Variants in RUSC1 observed in about 807,000 individuals in gnomAD.
RUSC1 encodes the protein AP-4 complex accessory subunit RUSC1.
Under a neutral mutation model 72.1 loss-of-function variants are expected in RUSC1, and 40 were observed. That is an observed-to-expected ratio of 0.55 (90% confidence interval 0.43 to 0.72). The LOEUF (loss-of-function observed/expected upper bound fraction) is 0.72. Ranked by LOEUF, RUSC1 falls within the 30% of genes least tolerant of loss-of-function variation. RUSC1 has a pLI of 0.00. For missense variants in RUSC1, 1,092 were observed against 1,172.3 expected (o/e 0.93, Z 1.00); for synonymous variants, 512 against 494.2 (o/e 1.04, Z -0.48).
In RUSC1 at chr1:155,324,856, T is replaced by A; in HGVS notation, c.1369T>A (p.Trp457Arg). 3 of 1,614,236 alleles carry A rather than the reference T, an allele frequency of 1.9e-6. No individual in the cohort carries two copies. ...TTCCCTTACGCCAGTCCGTAGTTCG[T>A]GGTCCTTCGCCGGTGTCCCCGGAGC... ...AQAGLEVRSS[W>R]SFAGVPGAQR... The change falls in exon 3 of 10, where the codon TGG (tryptophan) becomes AGG (arginine). Residue 457 changes from tryptophan (W) to arginine (R), a missense_variant. By Grantham distance (101) the Trp-to-Arg change is moderately radical (BLOSUM62 -3). Transcript: ENST00000368352.
intron 9 of RUSC1, among the ~76,000 whole-genome samples, chr1:155,328,651 G>A (rs1445996770): frequency 6.6e-6 from 1 of 151,790 alleles, no homozygotes; most frequent in Non-Finnish European, 1.5e-5. Flanking sequence ...CCAAGCTGAA[G>A]TACAGTGGCA....
intron 9 of RUSC1, among the ~76,000 whole-genome samples, chr1:155,330,099 C>A (rs1160587069): frequency 1.3e-5 from 2 of 151,982 alleles, no homozygotes; most frequent in Non-Finnish European, 1.5e-5. Context: ...CTGTTTACCA[C>A]TATAGGCGAC....
Position 155,325,300 on chromosome 1 carries a change from A to G in RUSC1, c.1534-16A>G, listed in dbSNP as rs1458029422. ...TGGAGGGATCTCTGGAGCCATCGGCATCGCGCCACCTCCAGGCCCAGTTGG... is the reference window on the plus strand; with the variant it reads ...TGGAGGGATCTCTGGAGCCATCGGCGTCGCGCCACCTCCAGGCCCAGTTGG... On this transcript the variant is annotated splice_polypyrimidine_tract_variant and intron_variant, in intron 4 of 9. Coordinates refer to ENST00000368352, the MANE Select transcript of RUSC1 (RefSeq NM_001105203.2). The surrounding 1 kb of genome is among the most constrained non-coding windows in gnomAD (Gnocchi z 6.5). 1 of 1,604,302 alleles carries G rather than the reference A, an allele frequency of 6.2e-7. No homozygotes were observed. The highest frequency in any genetic ancestry group is 1.1e-5 in the South Asian group (1 of 90,928).
At position 155,325,971 on chromosome 1, in the gene RUSC1, TTC is replaced by T; in HGVS notation, c.1861+66_1861+67del. Reference sequence around the variant, plus strand: ...GGCTGGGAGGATGGGAAGGAAAGAGTTCTCTCCTGCTGGTTCCCACTGCTGCC... The same window carrying T: ...GGCTGGGAGGATGGGAAGGAAAGAGTTCTCCTGCTGGTTCCCACTGCTGCC... On this transcript the variant is annotated intron_variant, in intron 7 of 9. Transcript: ENST00000368352. The surrounding 1 kb of genome is among the most constrained non-coding windows in gnomAD (Gnocchi z 6.5). 1 of 1,522,904 alleles carries T rather than the reference TTC, an allele frequency of 6.6e-7. No individual in the cohort carries two copies. Among genetic ancestry groups the T allele is most frequent in the Non-Finnish European group, 9.1e-7 (1 of 1,097,528 alleles). The allele number at this position is 1,522,904 out of a possible 1,614,324, so 94.3% of individuals were successfully genotyped here.
chr1:155,323,066 C>T lies in RUSC1; in HGVS notation c.1293C>T (p.Val431=). 2 of 1,431,638 alleles carry T rather than the reference C, an allele frequency of 1.4e-6. No individual in the cohort carries two copies. 88.7% of individuals were successfully genotyped at this position (1,431,638 alleles called of 1,614,324 possible). A position where few individuals can be genotyped will look rare whatever the true frequency, so the allele number is the denominator to read the frequency against. Residue 431 remains valine (V), a synonymous_variant, in exon 2 of 10, where the codon GTC becomes GTT. Transcript: ENST00000368352. ...AEGQSEEGRA[V]SPAAGEEAPA... ...GGCAGTCCGAGGAGGGCCGGGCTGTCAGCCCAGCGGCTGGCGAGGAGGCCC... is the reference window on the plus strand; with the variant it reads ...GGCAGTCCGAGGAGGGCCGGGCTGTTAGCCCAGCGGCTGGCGAGGAGGCCC...
chr1:155,324,673 T>G (rs1651081523), intron 2 of RUSC1, 172 bp from the exon 3 acceptor site: 3 of 1,536,450 alleles, frequency 2.0e-6, no homozygotes, highest in East Asian at 2.3e-5. Flanking sequence ...GAGATTTCAC[T>G]CCGGGGCTCG....
intron 2 of RUSC1, chr1:155,324,104 T>G: frequency 8.4e-7 from 1 of 1,191,634 alleles, no homozygotes; most frequent in Non-Finnish European, 1.0e-6. Flanking sequence ...GTCTAGGGGG[T>G]CCCAGCGAGT....
chr1:155,324,852 T>C lies in RUSC1; in HGVS notation c.1365T>C (p.Ser455=). Residue 455 remains serine, a synonymous_variant, in exon 3 of 10, where the codon AGT becomes AGC. Coordinates refer to ENST00000368352, the MANE Select transcript of RUSC1 (RefSeq NM_001105203.2). ...CTTCTTCCCTTACGCCAGTCCGTAGTTCGTGGTCCTTCGCCGGTGTCCCCG... is the reference window on the plus strand; with the variant it reads ...CTTCTTCCCTTACGCCAGTCCGTAGCTCGTGGTCCTTCGCCGGTGTCCCCG... ...PGAQAGLEVR[S]SWSFAGVPGA... 6.2e-7 allele frequency: 1 copy of C among 1,614,224 alleles called. No homozygotes were observed. The highest frequency in any genetic ancestry group is 1.1e-5 in the South Asian group (1 of 91,084).
Position 155,321,301 on chromosome 1 carries a change from C to T in RUSC1, c.-87+310C>T, listed in dbSNP as rs770490220. 4 of 1,371,002 alleles carry T rather than the reference C, an allele frequency of 2.9e-6. No individual in the cohort carries two copies. In the East Asian group the frequency reaches 1.4e-4, roughly 46 times the overall value. The allele number at this position is 1,371,002 out of a possible 1,614,324, so 84.9% of individuals were successfully genotyped here. On this transcript the variant is annotated intron_variant, in intron 1 of 9. Transcript: ENST00000368352. The stretch of plus-strand genomic sequence containing the variant: ...ATTGCCCCACCCCCATCCTCCACCT[C>T]CTTTCAGGGCATCTGGGTGGGTCTC...
At chr1:155,324,179 C>T (rs1305585101) in intron 2 of RUSC1, 2 of 1,383,984 alleles carry the variant, frequency 1.4e-6, no homozygotes, top group East Asian at 2.9e-5. Context: ...CTCGGGCCTG[C>T]CCCCCGACCT....
At position 155,322,251 on chromosome 1, in the gene RUSC1, T is replaced by C; in HGVS notation, c.478T>C (p.Phe160Leu). The C allele has an allele frequency of 6.2e-7, 1 of 1,613,130 alleles. No individual in the cohort carries two copies. The highest frequency in any genetic ancestry group is 8.5e-7 in the Non-Finnish European group (1 of 1,179,296). Residue 160 changes from phenylalanine to leucine, a missense_variant, in exon 2 of 10, where the codon TTC becomes CTC. Phe to Leu is a conservative substitution (Grantham distance 22). Transcript: ENST00000368352. Reference protein sequence around the residue: ...AGPGTCSPDSFCCSPDSCSGA... With the variant: ...AGPGTCSPDSLCCSPDSCSGA... ...CCCTGGCACCTGCTCACCGGACAGCTTCTGCTGCTCTCCTGATTCCTGCTC... is the reference window on the plus strand; with the variant it reads ...CCCTGGCACCTGCTCACCGGACAGCCTCTGCTGCTCTCCTGATTCCTGCTC...
At position 155,327,097 on chromosome 1, in the gene RUSC1, C is replaced by A; in HGVS notation, c.2379C>A (p.Gly793=). The change falls in exon 8 of 10, where the codon GGC becomes GGA. Residue 793 remains glycine (G), a synonymous_variant. Transcript: ENST00000368352. ...WLGRLFGVPG[G]PAENENGALK... is the part of the protein sequence containing the mutation. ...GAAGACTATTTGGAGTGCCTGGGGG[C>A]CCCGCAGAAAATGAGAATGGAGCCC... is the stretch of plus-strand genomic sequence containing the variant. The A allele has an allele frequency of 6.2e-7, 1 of 1,607,812 alleles. No individual in the cohort carries two copies. The highest frequency in any genetic ancestry group is 8.5e-7 in the Non-Finnish European group (1 of 1,175,892).
At position 155,325,743 on chromosome 1, in the gene RUSC1, A is replaced by T. The variant is rs1651311428; in HGVS notation, c.1814+71A>T. ...AGGAGCGTCATGGGTGGGACACAGT[A>T]GTAGTGCCTCACATCCCCAGAGAAG... On this transcript the variant is annotated intron_variant, in intron 6 of 9. Coordinates refer to ENST00000368352, the MANE Select transcript of RUSC1 (RefSeq NM_001105203.2). The surrounding 1 kb of genome is among the most constrained non-coding windows in gnomAD (Gnocchi z 6.5). 4.4e-6 allele frequency: 7 copies of T among 1,583,672 alleles called. No homozygotes were observed. The highest frequency in any genetic ancestry group is 6.1e-6 in the Non-Finnish European group (7 of 1,153,616).
At position 155,322,916 on chromosome 1, in the gene RUSC1, A is replaced by G; in HGVS notation, c.1143A>G (p.Pro381=). The stretch of plus-strand genomic sequence containing the variant: ...AACTCCGGTCCCGAAGCCGGGCCCC[A>G]GCCCCGCCAGTCCCGCCTCGAGACC... The part of the protein sequence containing the change: ...FKELRSRSRA[P]APPVPPRDPP... The change falls in exon 2 of 10, where the codon CCA becomes CCG. Residue 381 remains proline (P), a synonymous_variant. Coordinates refer to ENST00000368352, the MANE Select transcript of RUSC1 (RefSeq NM_001105203.2). The G allele has an allele frequency of 6.5e-7, 1 of 1,545,596 alleles. No homozygotes were observed. Among genetic ancestry groups the G allele is most frequent in the Non-Finnish European group, 8.7e-7 (1 of 1,145,970 alleles).
intron 2 of RUSC1, 110 bp from the exon 3 acceptor site, chr1:155,324,735 C>A: frequency 6.3e-7 from 1 of 1,588,518 alleles, no homozygotes; most frequent in Non-Finnish European, 8.6e-7. Flanking sequence ...TCCCCAAGAC[C>A]CTTCGGGGAC....
chr1:155,330,497 G>A lies in RUSC1; in HGVS notation c.2635G>A (p.Glu879Lys), dbSNP rs770399977. Residue 879 changes from glutamate to lysine, a missense_variant, in exon 10 of 10, where the codon GAG (glutamate) becomes AAG (lysine). By Grantham distance (56) the Glu-to-Lys change is moderately conservative. Coordinates refer to ENST00000368352, the MANE Select transcript of RUSC1 (RefSeq NM_001105203.2). ...EVLRVITTVD[E>K]DWLRCGRDGM... is the part of the protein sequence containing the mutation. ...GCTGCGTGTCATCACCACAGTGGAT[G>A]AGGACTGGCTCCGCTGTGGGCGGGA... 3 of 1,614,066 alleles carry A rather than the reference G, an allele frequency of 1.9e-6. No homozygotes were observed. The highest frequency in any genetic ancestry group is 1.7e-5 in the Admixed American group (1 of 60,010).
At chr1:155,324,156 T>C in intron 2 of RUSC1, 1 of 1,344,872 alleles carries the variant, frequency 7.4e-7, no homozygotes, top group Non-Finnish European at 9.6e-7. Flanking sequence ...GTGGAATTCC[T>C]TGGCCTGTGC....
At chr1:155,329,923 C>G (rs1443958310) in intron 9 of RUSC1, among the ~76,000 whole-genome samples, 1 of 147,520 alleles carries the variant, frequency 6.8e-6, no homozygotes, top group Non-Finnish European at 1.5e-5. Context: ...TGCACTCCAG[C>G]CTGGACAACA....
intron 2 of RUSC1, chr1:155,324,035 C>A (rs1198370105): frequency 9.4e-7 from 1 of 1,065,708 alleles, no homozygotes; most frequent in Non-Finnish European, 1.1e-6. Context: ...GGCCGGCCCC[C>A]TCTCCCTCCA....
Sources: allele counts gnomAD v4.1 joint callset (sites outside exome capture counted in the v4.1 genomes callset), GRCh38; gene constraint gnomAD v4.1.1; non-coding constraint Gnocchi (gnomAD v3.1); transcripts MANE v1.5; gene names NCBI Gene and HGNC (gene_info 2026-07-23, HGNC 2026-07-21).